ACADL: variants seen among roughly 807,000 people sequenced by gnomAD.
The protein encoded by ACADL is acyl-CoA dehydrogenase long chain.
A neutral mutation model predicts 56.9 loss-of-function variants in ACADL; 60 were observed. That is an observed-to-expected ratio of 1.05 (90% CI 0.86 to 1.31). The LOEUF is 1.31. Ranked by LOEUF, ACADL falls within the 50% of genes most tolerant of loss-of-function variation. The pLI, the probability that ACADL is intolerant of heterozygous loss-of-function variation, is 0.00. For missense variants in ACADL, 484 were observed against 525.5 expected (o/e 0.92, Z 0.77); for synonymous variants, 158 against 179.7 (o/e 0.88, Z 0.97).
Position 210,195,453 on chromosome 2 carries a change from A to ATC in ACADL, c.985-116_985-115insGA, listed in dbSNP as rs1688694578. ...AGATCTTTAGGGCAAACAAAAGTGGAATTGTTGGTTTTTTCCTCCATAAAA... is the reference window on the plus strand; with the variant it reads ...AGATCTTTAGGGCAAACAAAAGTGGATCATTGTTGGTTTTTTCCTCCATAAAA... On this transcript the variant is annotated intron_variant, in intron 8 of 10. Coordinates refer to ENST00000233710, the MANE Select transcript of ACADL (RefSeq NM_001608.4). 34 of 1,174,662 alleles carry ATC rather than the reference A, an allele frequency of 2.9e-5. No homozygotes were observed. The South Asian group carries it at 4.5e-4, about 16-fold the overall frequency. 72.8% of individuals were successfully genotyped at this position (1,174,662 alleles called of 1,614,324 possible).
chr2:210,218,759 G>A (rs902703121), intron 2 of ACADL, among the ~76,000 whole-genome samples: 1 of 152,100 alleles, frequency 6.6e-6, no homozygotes, highest in Non-Finnish European at 1.5e-5. Flanking sequence ...ATTGTAAAAG[G>A]CAATTCTCCT....
intron 5 of ACADL, chr2:210,209,881 A>G (rs1688949707): frequency 3.9e-6 from 1 of 253,966 alleles, no homozygotes; most frequent in South Asian, 5.7e-5. Flanking sequence ...ATAAAGTTTA[A>G]GTATTATTAA....
At chr2:210,208,378 C>A (rs556708594) in intron 5 of ACADL, among the ~76,000 whole-genome samples, 1 of 152,098 alleles carries the variant, frequency 6.6e-6, no homozygotes, top group African/African-American at 2.4e-5. Flanking sequence ...TACAACAGTG[C>A]GACCTAAAGT....
chr2:210,189,016 C>T lies in ACADL; in HGVS notation c.1238G>A (p.Gly413Asp), dbSNP rs1330613878. ...CAGCTCCTTCATTATTTCATTTGTA[C>T]CACCATAGATTGGCTGAACTCTGGC... ...VDARVQPIYG[G>D]TNEIMKELIA... The change falls in exon 11 of 11, where the codon GGT becomes GAT. Residue 413 changes from glycine to aspartate, a missense_variant. Transcript: ENST00000233710. 1.2e-6 allele frequency: 2 copies of T among 1,613,328 alleles called. No homozygotes were observed. The highest frequency in any genetic ancestry group is 1.7e-4 in the Middle Eastern group (1 of 6,056).
chr2:210,214,467 A>AAAGG (rs1689040419), intron 4 of ACADL, among the ~76,000 whole-genome samples: 3 of 122,336 alleles, frequency 2.5e-5, no homozygotes, highest in African/African-American at 9.4e-5. Flanking sequence ...GACCTTCCAA[A>AAAGG]AAAGAAAGAA....
chr2:210,197,144 A>G (rs1688723276), intron 8 of ACADL, among the ~76,000 whole-genome samples: 2 of 152,180 alleles, frequency 1.3e-5, no homozygotes, highest in African/African-American at 2.4e-5. Context: ...TTACAGGTAT[A>G]TCAACATAAC....
Position 210,188,383 on chromosome 2 carries a change from C to G in ACADL, c.*578G>C, listed in dbSNP as rs1438284972. 1.9e-5 allele frequency: 3 copies of G among 154,480 alleles called. No individual in the cohort carries two copies. Among genetic ancestry groups the G allele is most frequent in the Non-Finnish European group, 2.9e-5 (2 of 69,792 alleles). The allele number at this position is 154,480 out of a possible 1,614,324, so 9.6% of individuals were successfully genotyped here. On this transcript the variant is annotated 3_prime_UTR_variant, in exon 11 of 11. Transcript: ENST00000233710. The stretch of plus-strand genomic sequence containing the variant: ...GTTTCAAGGCAGTAAGGTATGATGG[C>G]TTCCAGCTTCAATGAAAGCAGTTCT...
chr2:210,218,028 A>G lies in ACADL; in HGVS notation c.308T>C (p.Ile103Thr), dbSNP rs967365348. 1.2e-6 allele frequency: 2 copies of G among 1,614,114 alleles called. No homozygotes were observed. Among genetic ancestry groups the G allele is most frequent in the Admixed American group, 1.7e-5 (1 of 59,994 alleles). The change falls in exon 3 of 11, where the codon ATT (isoleucine) becomes ACT (threonine). Residue 103 changes from isoleucine to threonine, a missense_variant. Physicochemically the swap from Ile to Thr is moderately conservative, Grantham distance 89. Coordinates refer to ENST00000233710, the MANE Select transcript of ACADL (RefSeq NM_001608.4). ...AGKQGLLGVN[I>T]AEHLGGIGGD... ...TCCAATTCCACCAAGATGCTCTGCA[A>G]TATTGACACCAAGCAGTCCTTGTTT...
intron 4 of ACADL, among the ~76,000 whole-genome samples, chr2:210,214,093 A>T (rs1027810040): frequency 1.3e-5 from 2 of 152,168 alleles, no homozygotes; most frequent in Admixed American, 6.5e-5. Context: ...AAGATACATA[A>T]TTATATATAA....
chr2:210,218,142 A>G, intron 2 of ACADL, 40 bp from the exon 3 acceptor site: 1 of 1,547,498 alleles, frequency 6.5e-7, no homozygotes, highest in Non-Finnish European at 8.8e-7. Context: ...TAATTTTTAA[A>G]TATTATTTAA....
chr2:210,192,432 G>A (rs1460823548), intron 10 of ACADL, among the ~76,000 whole-genome samples: 1 of 152,148 alleles, frequency 6.6e-6, no homozygotes, highest in East Asian at 1.9e-4. Context: ...GGAGGTTGCA[G>A]TGAACCCAGA....
At chr2:210,215,566 A>G (rs1404006987) in intron 4 of ACADL, among the ~76,000 whole-genome samples, 1 of 151,730 alleles carries the variant, frequency 6.6e-6, no homozygotes, top group Non-Finnish European at 1.5e-5. Context: ...TTTGTGTTTC[A>G]TTTTTCCTCT....
intron 6 of ACADL, 130 bp downstream of exon 6, chr2:210,205,502 C>T: frequency 1.1e-6 from 1 of 872,994 alleles, no homozygotes; most frequent in Non-Finnish European, 1.8e-6. Context: ...ATTACCACAT[C>T]AGAAAAGCAT....
At chr2:210,210,040 T>C (rs933984332) in intron 5 of ACADL, 156 bp downstream of exon 5, 1 of 651,886 alleles carries the variant, frequency 1.5e-6, no homozygotes, top group African/African-American at 1.8e-5. Flanking sequence ...TCTTAAGTAA[T>C]ATATGTTGTA....
intron 1 of ACADL, chr2:210,224,926 C>A: frequency 7.6e-7 from 1 of 1,321,330 alleles, no homozygotes; most frequent in Non-Finnish European, 9.6e-7. Flanking sequence ...CTGGAGAAAT[C>A]TTTCGGCTTT....
At chr2:210,220,040 G>A (rs1182011348) in intron 2 of ACADL, among the ~76,000 whole-genome samples, 2 of 151,868 alleles carry the variant, frequency 1.3e-5, no homozygotes, top group East Asian at 3.9e-4. Flanking sequence ...ACATAATAAC[G>A]GTGCCGAGAA....
At chr2:210,206,796 C>CT (rs1688894905) in intron 5 of ACADL, among the ~76,000 whole-genome samples, 1 of 151,798 alleles carries the variant, frequency 6.6e-6, no homozygotes, top group African/African-American at 2.4e-5. Context: ...TGTTTCTTTT[C>CT]TTTTTTTTAG....
chr2:210,211,884 G>A (rs537276832), intron 4 of ACADL, among the ~76,000 whole-genome samples: 15 of 147,706 alleles, frequency 1.0e-4, no homozygotes, highest in Non-Finnish European at 2.1e-4. Context: ...AGGCTGGAGT[G>A]CAATGGCACA....
intron 2 of ACADL, among the ~76,000 whole-genome samples, chr2:210,220,371 G>C (rs1293818273): frequency 6.6e-6 from 1 of 152,078 alleles, no homozygotes; most frequent in Admixed American, 6.6e-5. Context: ...AAATTGACTA[G>C]TATTTTGTTA....
Sources: gnomAD v4.1 joint callset for allele counts (sites outside exome capture counted in the v4.1 genomes callset) on GRCh38, gnomAD v4.1.1 for gene constraint, MANE v1.5 for transcripts, NCBI Gene and HGNC (gene_info 2026-07-23, HGNC 2026-07-21) for gene names.